MMP16: variants seen among roughly 807,000 people sequenced by gnomAD.
The protein encoded by MMP16 is matrix metalloproteinase-16.
MMP16 carries 12 observed loss-of-function variants against 67.8 expected under a neutral mutation model. That is an observed-to-expected ratio of 0.18 (90% CI 0.11 to 0.29). MMP16 has a LOEUF of 0.29. Ranked by LOEUF, MMP16 falls within the 10% of genes least tolerant of loss-of-function variation. The pLI, the probability that MMP16 is intolerant of heterozygous loss-of-function variation, is 1.00. For missense variants in MMP16, 475 were observed against 765.7 expected, an observed-to-expected ratio of 0.62 and a Z score of 4.48; for synonymous variants, 249 against 255.9, an observed-to-expected ratio of 0.97 and a Z score of 0.26.
intron 7 of MMP16, among the ~76,000 whole-genome samples, chr8:88,068,711 TG>T (rs1808494893): frequency 6.6e-6 from 1 of 152,148 alleles, no homozygotes; most frequent in Non-Finnish European, 1.5e-5. Flanking sequence ...TTTCTTTCTT[TG>T]TTTTTTTGAG....
chr8:88,102,480 T>G (rs1449830313), intron 6 of MMP16, among the ~76,000 whole-genome samples: 4 of 151,812 alleles, frequency 2.6e-5, no homozygotes, highest in African/African-American at 9.7e-5. Flanking sequence ...AACCTCCATG[T>G]GTTCTGCTAT....
rs1199987606 is a variant in MMP16, at chr8:88,035,434, C to T, written c.*6027G>A. ...TGCATAAAACAAATTCTAAGACACA[C>T]TCATCTTTAAGTTGAAAAGGCATAG... On this transcript the variant is annotated 3_prime_UTR_variant, in exon 10 of 10. Transcript: ENST00000286614. This position sits in a 1 kb window ranked among gnomAD's most constrained non-coding sequence, Gnocchi z 4.7. 2 of 152,024 alleles carry T rather than the reference C, an allele frequency of 1.3e-5. No homozygotes were observed. The highest frequency in any genetic ancestry group is 2.9e-5 in the Non-Finnish European group (2 of 67,952). The allele number at this position is 152,024 out of a possible 1,614,324, so 9.4% of individuals were successfully genotyped here. A position where few individuals can be genotyped will look rare whatever the true frequency, so the allele number is the denominator to read the frequency against.
At chr8:88,309,268 C>A (rs1450412462) in intron 1 of MMP16, among the ~76,000 whole-genome samples, 1 of 151,902 alleles carries the variant, frequency 6.6e-6, no homozygotes, top group Non-Finnish European at 1.5e-5. Flanking sequence ...AAATAAATTA[C>A]AAGTTACAAG....
intron 1 of MMP16, among the ~76,000 whole-genome samples, chr8:88,326,481 A>G (rs1035866412): frequency 1.3e-5 from 2 of 152,188 alleles, no homozygotes; most frequent in African/African-American, 4.8e-5. Context: ...AAGACACTTA[A>G]AAAGAGATGG....
intron 4 of MMP16, among the ~76,000 whole-genome samples, chr8:88,154,899 G>A (rs1003172016): frequency 3.3e-5 from 5 of 149,410 alleles, no homozygotes; most frequent in African/African-American, 9.8e-5. Flanking sequence ...AAAGAAATAC[G>A]TGTATTATAT....
intron 1 of MMP16, among the ~76,000 whole-genome samples, chr8:88,316,154 T>C (rs1811371993): frequency 6.6e-6 from 1 of 152,180 alleles, no homozygotes; most frequent in South Asian, 2.1e-4. Flanking sequence ...AAGCCATGTA[T>C]GTAACCTAAA....
At chr8:88,248,540 C>A (rs1017479070) in intron 1 of MMP16, among the ~76,000 whole-genome samples, 32 of 152,036 alleles carry the variant, frequency 2.1e-4, no homozygotes, top group Admixed American at 1.4e-3. Context: ...GCAGAGATTT[C>A]CATGAGCTCC....
At chr8:88,067,729 A>G (rs1443447128) in intron 7 of MMP16, among the ~76,000 whole-genome samples, 1 of 152,128 alleles carries the variant, frequency 6.6e-6, no homozygotes, top group Non-Finnish European at 1.5e-5. Flanking sequence ...AGCTTCATCC[A>G]TATTGTAATG....
intron 4 of MMP16, among the ~76,000 whole-genome samples, chr8:88,146,688 C>A (rs564214673): frequency 3.3e-5 from 5 of 151,490 alleles, no homozygotes; most frequent in African/African-American, 4.8e-5. Context: ...AATGATACTT[C>A]TTTTTTTGGC....
chr8:88,206,090 T>A (rs1473321696), intron 1 of MMP16, among the ~76,000 whole-genome samples: 1 of 152,094 alleles, frequency 6.6e-6, no homozygotes, highest in Non-Finnish European at 1.5e-5. Flanking sequence ...ATTGCTACCA[T>A]CTCTCTCATT....
At chr8:88,097,114 T>C (rs1480647098) in intron 6 of MMP16, among the ~76,000 whole-genome samples, 1 of 151,966 alleles carries the variant, frequency 6.6e-6, no homozygotes, top group African/African-American at 2.4e-5. Context: ...ATATCCCTTT[T>C]ATTGATCTCT....
intron 1 of MMP16, among the ~76,000 whole-genome samples, chr8:88,282,435 A>C (rs1045340924): frequency 4.6e-5 from 7 of 152,226 alleles, no homozygotes; most frequent in African/African-American, 1.2e-4. Context: ...AAAACTGTAA[A>C]AATTAATTCA....
chr8:88,324,761 G>C (rs890072282), intron 1 of MMP16, among the ~76,000 whole-genome samples: 2 of 152,004 alleles, frequency 1.3e-5, no homozygotes, highest in Non-Finnish European at 2.9e-5. Flanking sequence ...TCAAAAAAAA[G>C]TCAAATAGAA....
At chr8:88,277,170 T>G (rs1372153393) in intron 1 of MMP16, among the ~76,000 whole-genome samples, 1 of 152,196 alleles carries the variant, frequency 6.6e-6, no homozygotes, top group Non-Finnish European at 1.5e-5. Context: ...GTTCAACTTT[T>G]ACATATTAAT....
Position 88,181,585 on chromosome 8 carries a change from T to C in MMP16, c.404+4891A>G, listed in dbSNP as rs543881105. Among the ~76,000 whole-genome samples, 25 of 151,346 alleles carry C rather than the reference T, an allele frequency of 1.7e-4. 1 individual carries two copies. The South Asian group carries it at 5.0e-3, about 30-fold the overall frequency. ...AACTATATTTTATATATTTAATATA[T>C]AATATTTATGTTATTTCCAAGATGA... On this transcript the variant is annotated intron_variant, in intron 3 of 9. Transcript: ENST00000286614.
intron 4 of MMP16, among the ~76,000 whole-genome samples, chr8:88,131,335 T>C (rs1808026948): frequency 1.3e-5 from 2 of 151,316 alleles, no homozygotes; most frequent in Admixed American, 1.3e-4. Flanking sequence ...ACGTAAAAGA[T>C]ATAAATGTAA....
chr8:88,295,091 G>GT (rs1327594833), intron 1 of MMP16, among the ~76,000 whole-genome samples: 6 of 152,176 alleles, frequency 3.9e-5, no homozygotes, highest in Non-Finnish European at 1.5e-5. Context: ...GAATAGTGTT[G>GT]TAAGTATCCC....
intron 4 of MMP16, among the ~76,000 whole-genome samples, chr8:88,144,911 AGATG>A (rs1372886292): frequency 6.6e-6 from 1 of 152,080 alleles, no homozygotes; most frequent in East Asian, 1.9e-4. Context: ...CTCTTGGGTC[AGATG>A]GAGTTAACAG....
intron 9 of MMP16, among the ~76,000 whole-genome samples, chr8:88,045,319 T>C (rs956015183): frequency 6.6e-6 from 1 of 152,094 alleles, no homozygotes; most frequent in Non-Finnish European, 1.5e-5. Flanking sequence ...TTCAAGTTTA[T>C]ACTAGTATAG....
Sources: allele counts gnomAD v4.1 joint callset (sites outside exome capture counted in the v4.1 genomes callset), GRCh38; gene constraint gnomAD v4.1.1; non-coding constraint Gnocchi (gnomAD v3.1); transcripts MANE v1.5; gene names NCBI Gene and HGNC (gene_info 2026-07-23, HGNC 2026-07-21).